Variants in EFCAB11 observed in about 807,000 individuals in gnomAD.
The protein encoded by EFCAB11 is EF-hand calcium-binding domain-containing protein 11.
In EFCAB11, 14 loss-of-function variants were observed where a neutral mutation model predicts 23.0. The ratio of observed to expected loss-of-function variants is 0.61; its 90% CI spans 0.40 to 0.95. The LOEUF (loss-of-function observed/expected upper bound fraction) is 0.95, where lower values mean the gene tolerates loss of function less well. Ranked by LOEUF, EFCAB11 falls within the 40% of genes least tolerant of loss-of-function variation. The pLI, the probability that EFCAB11 is intolerant of heterozygous loss-of-function variation, is 0.00. For missense variants in EFCAB11, 198 were observed against 195.8 expected (o/e 1.01, Z -0.07); for synonymous variants, 65 against 66.6 (o/e 0.98, Z 0.11).
chr14:89,876,291 TC>T (rs931967246), intron 5 of EFCAB11, among the ~76,000 whole-genome samples: 36 of 152,078 alleles, frequency 2.4e-4, no homozygotes, highest in African/African-American at 8.7e-4. Flanking sequence ...AGGAGATGTT[TC>T]CGTTAAACAG....
At chr14:89,917,799 A>G (rs2139779802) in intron 5 of EFCAB11, among the ~76,000 whole-genome samples, 1 of 152,340 alleles carries the variant, frequency 6.6e-6, no homozygotes. Context: ...GTTTGAATTG[A>G]GCAATAAAGG....
Position 89,801,030 on chromosome 14 carries a change from A to G in EFCAB11, c.411-3706T>C, listed in dbSNP as rs184298127. 2.8e-3 allele frequency among the ~76,000 whole-genome samples: 350 copies of G among 126,312 alleles called. 2 individuals carry two copies. The highest frequency in any genetic ancestry group is 9.7e-3 in the African/African-American group (334 of 34,394). The allele number at this position is 126,312 out of a possible 152,430, so 82.9% of individuals were successfully genotyped here. On this transcript the variant is annotated intron_variant, in intron 5 of 5. Transcript: ENST00000316738. ...AGCCTGGGTGACAGAGCCAGATCCC[A>G]CCTCAAAAAAGAAAAAAAAAAAAAA...
At chr14:89,835,720 C>T (rs996106948) in intron 5 of EFCAB11, among the ~76,000 whole-genome samples, 6 of 151,580 alleles carry the variant, frequency 4.0e-5, no homozygotes, top group Non-Finnish European at 7.4e-5. Flanking sequence ...CTCCGCCTCC[C>T]GGGTTCGAAC....
intron 5 of EFCAB11, chr14:89,830,843 A>G (rs1003936975): frequency 1.3e-5 from 2 of 152,242 alleles, no homozygotes; most frequent in East Asian, 1.9e-4. Flanking sequence ...ATGGTTGTAA[A>G]CAAACCTTTA....
intron 3 of EFCAB11, among the ~76,000 whole-genome samples, chr14:89,940,487 A>G (rs571785512): frequency 6.6e-6 from 1 of 152,366 alleles, no homozygotes; most frequent in Admixed American, 6.5e-5. Context: ...ATGCAAGCCA[A>G]CTGACCATTA....
intron 5 of EFCAB11, among the ~76,000 whole-genome samples, chr14:89,833,721 GTTCTT>G (rs1886962993): frequency 6.6e-6 from 1 of 152,138 alleles, no homozygotes; most frequent in Admixed American, 6.5e-5. Flanking sequence ...TTTTGAAAAT[GTTCTT>G]TTCAATAATC....
intron 5 of EFCAB11, among the ~76,000 whole-genome samples, chr14:89,797,849 C>T (rs1266823355): frequency 1.3e-5 from 2 of 152,142 alleles, no homozygotes; most frequent in Non-Finnish European, 2.9e-5. Context: ...AGGAGAATCA[C>T]TTGAACCCAG....
intron 5 of EFCAB11, among the ~76,000 whole-genome samples, chr14:89,890,327 A>G (rs1311373485): frequency 1.3e-5 from 2 of 152,228 alleles, no homozygotes; most frequent in African/African-American, 4.8e-5. Flanking sequence ...TATAAGAGCA[A>G]TAAAAGGTCA....
At chr14:89,837,103 G>A in intron 5 of EFCAB11, 1 of 456,576 alleles carries the variant, frequency 2.2e-6, no homozygotes, top group Non-Finnish European at 4.4e-6. Flanking sequence ...TAGACTTCTG[G>A]TCAATATGGC....
intron 5 of EFCAB11, among the ~76,000 whole-genome samples, chr14:89,865,909 C>T (rs1042063280): frequency 1.3e-5 from 2 of 151,978 alleles, no homozygotes. Flanking sequence ...CTCAAGTGAT[C>T]TGCCTGTCTC....
At chr14:89,930,742 C>G (rs1890360583) in intron 5 of EFCAB11, among the ~76,000 whole-genome samples, 1 of 152,102 alleles carries the variant, frequency 6.6e-6, no homozygotes, top group Admixed American at 6.5e-5. Flanking sequence ...CCTGGTTTGC[C>G]TATGTTTATA....
chr14:89,815,670 C>T (rs1169190331), intron 5 of EFCAB11, among the ~76,000 whole-genome samples: 6 of 152,072 alleles, frequency 3.9e-5, no homozygotes, highest in South Asian at 2.1e-4. Context: ...ATAATCCACC[C>T]GCCTCGGCCT....
chr14:89,846,316 T>C (rs1318830601), intron 5 of EFCAB11, among the ~76,000 whole-genome samples: 1 of 152,218 alleles, frequency 6.6e-6, no homozygotes, highest in East Asian at 1.9e-4. Context: ...GAAGATTCTA[T>C]CAGATTTCTT....
intron 5 of EFCAB11, among the ~76,000 whole-genome samples, chr14:89,804,164 A>T (rs1331982068): frequency 6.6e-6 from 1 of 152,070 alleles, no homozygotes; most frequent in Non-Finnish European, 1.5e-5. Context: ...CTGGGGTGGC[A>T]CCCCCTACCC....
At chr14:89,881,452 C>CATATATATATATAT (rs10530483) in intron 5 of EFCAB11, among the ~76,000 whole-genome samples, 4,549 of 46,730 alleles carry the variant, frequency 0.097, 945 homozygotes, top group Non-Finnish European at 0.15. Context: ...TATGACTTGG[C>CATATATATATATAT]ATATATATAT....
intron 3 of EFCAB11, among the ~76,000 whole-genome samples, chr14:89,939,924 A>C (rs985874487): frequency 2.0e-5 from 3 of 152,130 alleles, no homozygotes; most frequent in Non-Finnish European, 4.4e-5. Flanking sequence ...TTTTTAATAG[A>C]GACAGTGTTT....
chr14:89,919,200 GAGAC>G (rs1026847261), intron 5 of EFCAB11, among the ~76,000 whole-genome samples: 8 of 127,832 alleles, frequency 6.3e-5, no homozygotes, highest in African/African-American at 3.0e-4. Flanking sequence ...GAGAGAGAGA[GAGAC>G]AGAGAGAGAG....
At chr14:89,844,807 T>C (rs1052376050) in intron 5 of EFCAB11, among the ~76,000 whole-genome samples, 1 of 152,242 alleles carries the variant, frequency 6.6e-6, no homozygotes, top group Non-Finnish European at 1.5e-5. Context: ...CTTCTGGGAC[T>C]TGGCTTTGGG....
At chr14:89,837,710 C>T (rs28565514) in intron 5 of EFCAB11, among the ~76,000 whole-genome samples, 3,875 of 152,078 alleles carry the variant, frequency 0.025, 81 homozygotes, top group African/African-American at 0.054. Context: ...CTGGTAGTGA[C>T]GTGTAAGACT....
Sources: gnomAD v4.1 joint callset for allele counts (sites outside exome capture counted in the v4.1 genomes callset) on GRCh38, gnomAD v4.1.1 for gene constraint, MANE v1.5 for transcripts, NCBI Gene and HGNC (gene_info 2026-07-23, HGNC 2026-07-21) for gene names.